Variants in PALLD observed in about 807,000 individuals in gnomAD.
The protein encoded by PALLD is palladin.
A neutral mutation model predicts 123.5 loss-of-function variants in PALLD; 61 were observed. The observed-to-expected ratio is 0.49, with a 90% CI of 0.40 to 0.61. PALLD has a LOEUF of 0.61. Among genes scored for constraint, PALLD ranks in the 20% least tolerant of loss-of-function variants. The pLI, the probability that PALLD is intolerant of heterozygous loss-of-function variation, is 0.00. For synonymous variants in PALLD, 465 were observed against 496.4 expected (o/e 0.94, Z 0.84); for missense variants, 1,273 against 1,377.0 (o/e 0.92, Z 1.20).
At chr4:168,878,518 A>G in intron 10 of PALLD, 1 of 642,284 alleles carries the variant, frequency 1.6e-6, no homozygotes, top group Non-Finnish European at 2.4e-6. Flanking sequence ...AACATTTCAC[A>G]CATTTCTCTC....
chr4:168,871,138 T>C (rs1286501104), intron 10 of PALLD, among the ~76,000 whole-genome samples: 2 of 152,214 alleles, frequency 1.3e-5, no homozygotes, highest in Admixed American at 6.5e-5. Flanking sequence ...TCGACTCTTA[T>C]AAATACTGAC....
intron 8 of PALLD, among the ~76,000 whole-genome samples, chr4:168,693,099 C>A (rs567423088): frequency 8.8e-5 from 13 of 148,196 alleles, no homozygotes; most frequent in African/African-American, 3.4e-4. Flanking sequence ...TTTCAGATCT[C>A]CCCCGCGCCC....
intron 2 of PALLD, chr4:168,598,567 G>A (rs565354311): frequency 8.3e-5 from 27 of 326,440 alleles, no homozygotes; most frequent in East Asian, 2.0e-4. Context: ...CTTTGGGATC[G>A]TTGAAATGAA....
chr4:168,776,883 G>GT (rs1379636671), intron 10 of PALLD, among the ~76,000 whole-genome samples: 1 of 152,050 alleles, frequency 6.6e-6, no homozygotes, highest in Non-Finnish European at 1.5e-5. Context: ...ATCATATTTA[G>GT]TTTTTTTATG....
At chr4:168,723,593 G>A (rs1453405622) in intron 10 of PALLD, among the ~76,000 whole-genome samples, 1 of 152,200 alleles carries the variant, frequency 6.6e-6, no homozygotes, top group African/African-American at 2.4e-5. Context: ...GCAGAGTTTT[G>A]CACTACGAAC....
intron 2 of PALLD, among the ~76,000 whole-genome samples, chr4:168,595,777 C>T (rs1343276274): frequency 1.3e-5 from 2 of 152,024 alleles, no homozygotes; most frequent in Non-Finnish European, 1.5e-5. Context: ...TTTTTGTCTG[C>T]TCAACAGAAT....
intron 13 of PALLD, chr4:168,897,917 G>A (rs1317017384): frequency 6.6e-6 from 1 of 152,172 alleles, no homozygotes; most frequent in Non-Finnish European, 1.5e-5. Context: ...CTGAGGAGGC[G>A]GCCCTTGCAA....
At chr4:168,594,539 G>A (rs572930616) in intron 2 of PALLD, among the ~76,000 whole-genome samples, 11 of 152,150 alleles carry the variant, frequency 7.2e-5, no homozygotes, top group South Asian at 2.1e-4. Context: ...TAATGAAACC[G>A]GTATAGTGAA....
intron 10 of PALLD, chr4:168,878,091 C>T (rs1470294401): frequency 6.9e-7 from 1 of 1,443,248 alleles, no homozygotes; most frequent in South Asian, 1.4e-5. Flanking sequence ...GCCCCCGTGC[C>T]GCCCTTCGCG....
chr4:168,743,136 T>G (rs1301841685), intron 10 of PALLD, among the ~76,000 whole-genome samples: 2 of 152,228 alleles, frequency 1.3e-5, no homozygotes, highest in African/African-American at 4.8e-5. Flanking sequence ...CAGGGTTCTC[T>G]GACACCAGAG....
chr4:168,598,266 C>G (rs1341137318), intron 2 of PALLD: 1 of 416,700 alleles, frequency 2.4e-6, no homozygotes, highest in African/African-American at 2.1e-5. Flanking sequence ...TTTGATGCCT[C>G]ACCAAAATAT....
intron 10 of PALLD, among the ~76,000 whole-genome samples, chr4:168,742,330 G>T (rs1788435412): frequency 6.6e-6 from 1 of 152,160 alleles, no homozygotes; most frequent in Non-Finnish European, 1.5e-5. Flanking sequence ...ATCCCTCAAA[G>T]GGGAGGTGTT....
rs756538761 is a variant in PALLD at position 168,553,804 on chromosome 4, T to C, written c.908+41392T>C. On this transcript the variant is annotated intron_variant, in intron 2 of 21. Transcript: ENST00000505667. ...TTCCCTACCTGAGTGCCTTGGAATA[T>C]GCATTTTTCCTCTTACTGGAATGTT... is the stretch of plus-strand genomic sequence containing the variant. Among the ~76,000 whole-genome samples, 5 of 152,286 alleles carry C rather than the reference T, an allele frequency of 3.3e-5. No homozygotes were observed. The South Asian group carries it at 8.3e-4, about 25-fold the overall frequency.
chr4:168,824,949 G>A (rs977332389), intron 10 of PALLD, among the ~76,000 whole-genome samples: 2 of 150,410 alleles, frequency 1.3e-5, no homozygotes, highest in African/African-American at 4.9e-5. Flanking sequence ...AGCCTCCCAA[G>A]TAGCTGGGAC....
intron 11 of PALLD, among the ~76,000 whole-genome samples, chr4:168,893,962 T>C (rs149078639): frequency 2.6e-5 from 4 of 152,318 alleles, no homozygotes; most frequent in Non-Finnish European, 5.9e-5. Flanking sequence ...TGGATTATAA[T>C]AGTTGCCGCC....
rs6148775 is a variant in PALLD, at chr4:168,785,846, G to GATATATATATATATATATAT, written c.1964+73935_1964+73954dup. ...AGAGTCAGTTCTAATAAACTGTAGA[G>GATATATATATATATATATAT]ATATATATATATATATATATATATA... On this transcript the variant is annotated intron_variant, in intron 10 of 21. Coordinates refer to ENST00000505667, the MANE Select transcript of PALLD (RefSeq NM_001166108.2). Among the ~76,000 whole-genome samples the GATATATATATATATATATAT allele has an allele frequency of 7.8e-3, 627 of 80,676 alleles. 38 individuals carry two copies. Among genetic ancestry groups the GATATATATATATATATATAT allele is most frequent in the Non-Finnish European group, 0.012 (432 of 35,360 alleles). 52.9% of individuals were successfully genotyped at this position (80,676 alleles called of 152,430 possible).
intron 15 of PALLD, among the ~76,000 whole-genome samples, chr4:168,911,439 A>G (rs779614670): frequency 8.5e-5 from 13 of 152,256 alleles, no homozygotes; most frequent in Non-Finnish European, 1.8e-4. Flanking sequence ...CGCAAAGCAC[A>G]TAATAAGGAA....
chr4:168,820,239 T>C (rs1742527586), intron 10 of PALLD, among the ~76,000 whole-genome samples: 1 of 152,258 alleles, frequency 6.6e-6, no homozygotes, highest in Non-Finnish European at 1.5e-5. Context: ...CCGTGCCAAA[T>C]GCTTTCCAAA....
intron 2 of PALLD, among the ~76,000 whole-genome samples, chr4:168,636,246 A>G (rs1226620094): frequency 1.3e-5 from 2 of 152,122 alleles, no homozygotes; most frequent in Non-Finnish European, 1.5e-5. Flanking sequence ...CAACACTTTG[A>G]GAGGCCAAGG....
Sources: gnomAD v4.1 joint callset for allele counts (sites outside exome capture counted in the v4.1 genomes callset) on GRCh38, gnomAD v4.1.1 for gene constraint, MANE v1.5 for transcripts, NCBI Gene and HGNC (gene_info 2026-07-23, HGNC 2026-07-21) for gene names.